Variants in SMOC2 observed in about 807,000 individuals in gnomAD.
The protein encoded by SMOC2 is SPARC-related modular calcium-binding protein 2.
A neutral mutation model predicts 61.4 loss-of-function variants in SMOC2; 39 were observed. That is an observed-to-expected ratio of 0.64 (90% CI 0.49 to 0.83). The LOEUF is 0.83. Ranked by LOEUF, SMOC2 falls within the 40% of genes least tolerant of loss-of-function variation. SMOC2 has a pLI of 0.00. For missense variants in SMOC2, 556 were observed against 592.9 expected (o/e 0.94, Z 0.65); for synonymous variants, 247 against 239.9 (o/e 1.03, Z -0.27).
At chr6:168,646,191 G>A (rs768898111) in intron 9 of SMOC2, among the ~76,000 whole-genome samples, 10 of 152,194 alleles carry the variant, frequency 6.6e-5, no homozygotes, top group Non-Finnish European at 4.4e-5. Flanking sequence ...TTACTTGCGT[G>A]TGAAATCTCT....
At chr6:168,460,733 T>A (rs1191947231) in intron 1 of SMOC2, among the ~76,000 whole-genome samples, 1 of 152,228 alleles carries the variant, frequency 6.6e-6, no homozygotes. Flanking sequence ...TCATGATCTC[T>A]GTATCAACCC....
chr6:168,648,512 G>C (rs117153992), intron 9 of SMOC2, among the ~76,000 whole-genome samples: 1 of 152,240 alleles, frequency 6.6e-6, no homozygotes, highest in Non-Finnish European at 1.5e-5. Context: ...AGCCGAGGCC[G>C]GGTGGGCTGG....
intron 1 of SMOC2, among the ~76,000 whole-genome samples, chr6:168,492,841 T>C (rs923123172): frequency 6.6e-6 from 1 of 152,224 alleles, no homozygotes; most frequent in African/African-American, 2.4e-5. Context: ...TTGCCATCTA[T>C]AGAGTACAGA....
intron 1 of SMOC2, among the ~76,000 whole-genome samples, chr6:168,445,588 C>T (rs562447983): frequency 1.3e-5 from 2 of 152,306 alleles, no homozygotes; most frequent in East Asian, 3.9e-4. Context: ...ATATAGTTCT[C>T]ACTCAGCCTT....
At chr6:168,459,823 G>C (rs1168251703) in intron 1 of SMOC2, among the ~76,000 whole-genome samples, 1 of 147,136 alleles carries the variant, frequency 6.8e-6, no homozygotes, top group African/African-American at 2.5e-5. Flanking sequence ...GTGAGCCCTG[G>C]GGTGGGTGAG....
In SMOC2 at chr6:168,553,044, A is replaced by C. The variant is rs968595957; in HGVS notation, c.637+3841A>C. ...TAGCATCATTACTCTTTTTAAAACA[A>C]GCTGAATGAAACAAACAAAATAACC... is the stretch of plus-strand genomic sequence containing the variant. On this transcript the variant is annotated intron_variant, in intron 7 of 12. Coordinates refer to ENST00000356284, the MANE Select transcript of SMOC2 (RefSeq NM_001166412.2). This position sits in a 1 kb window ranked among gnomAD's most constrained non-coding sequence, Gnocchi z 4.2. 1.9e-4 allele frequency among the ~76,000 whole-genome samples: 29 copies of C among 152,220 alleles called. No individual in the cohort carries two copies. Among genetic ancestry groups the C allele is most frequent in the Non-Finnish European group, 3.5e-4 (24 of 68,034 alleles).
Position 168,641,352 on chromosome 6 carries a change from C to T in SMOC2, c.908-9329C>T, listed in dbSNP as rs571734182. On this transcript the variant is annotated intron_variant, in intron 9 of 12. Coordinates refer to ENST00000356284, the MANE Select transcript of SMOC2 (RefSeq NM_001166412.2). ...CTCTACAGCACTGACGTCAACCTTA[C>T]CTGTATCACCATAAACCCTCCGTGT... Among the ~76,000 whole-genome samples the T allele has an allele frequency of 1.6e-4, 24 of 152,266 alleles. 1 individual carries two copies. The South Asian group carries it at 4.8e-3, about 30-fold the overall frequency.
intron 7 of SMOC2, among the ~76,000 whole-genome samples, chr6:168,573,988 G>A (rs1411307102): frequency 6.6e-6 from 1 of 152,252 alleles, no homozygotes; most frequent in Non-Finnish European, 1.5e-5. Context: ...CTCTGGAGGG[G>A]GAGGGATGGG....
In SMOC2 at chr6:168,452,549, A is replaced by G. The variant is rs760511224; in HGVS notation, c.84+11095A>G. 3.3e-5 allele frequency among the ~76,000 whole-genome samples: 5 copies of G among 152,224 alleles called. No individual in the cohort carries two copies. The highest frequency in any genetic ancestry group is 4.8e-5 in the African/African-American group (2 of 41,456). ...TGTTCTCCAGTAATAGGATTCTCAG[A>G]CATGTGATTTTCATGAGGGATTTTA... On this transcript the variant is annotated intron_variant, in intron 1 of 12. Transcript: ENST00000356284. This position sits in a 1 kb window ranked among gnomAD's most constrained non-coding sequence, Gnocchi z 5.0.
At chr6:168,454,035 C>A (rs1781524829) in intron 1 of SMOC2, among the ~76,000 whole-genome samples, 1 of 152,066 alleles carries the variant, frequency 6.6e-6, no homozygotes. Flanking sequence ...TGTGTGTCTT[C>A]TTTCTGTCCA....
intron 1 of SMOC2, among the ~76,000 whole-genome samples, chr6:168,498,709 A>G (rs1203434141): frequency 6.7e-6 from 1 of 148,998 alleles, no homozygotes; most frequent in African/African-American, 2.5e-5. Flanking sequence ...TCCCAGCCCT[A>G]CGAGTCAGAG....
chr6:168,527,049 C>T (rs1400949558), intron 3 of SMOC2, among the ~76,000 whole-genome samples: 3 of 152,178 alleles, frequency 2.0e-5, no homozygotes, highest in Non-Finnish European at 2.9e-5. Context: ...GCAGAAAGAG[C>T]AGAAAAAACA....
chr6:168,631,513 A>T (rs1786569027), intron 9 of SMOC2, among the ~76,000 whole-genome samples: 1 of 152,210 alleles, frequency 6.6e-6, no homozygotes, highest in South Asian at 2.1e-4. Context: ...TGGAGAATAG[A>T]TGATGTTCCT....
At chr6:168,533,684 G>A (rs1409650968) in intron 4 of SMOC2, among the ~76,000 whole-genome samples, 1 of 152,174 alleles carries the variant, frequency 6.6e-6, no homozygotes, top group Non-Finnish European at 1.5e-5. Context: ...CCAGCTTGCT[G>A]TTTGTCTCCA....
At chr6:168,596,768 T>C (rs1280249916) in intron 7 of SMOC2, among the ~76,000 whole-genome samples, 1 of 152,270 alleles carries the variant, frequency 6.6e-6, no homozygotes, top group Admixed American at 6.5e-5. Context: ...TTGTTACCAG[T>C]TTCCTCGTTA....
chr6:168,641,412 AG>A (rs1165839094), intron 9 of SMOC2, among the ~76,000 whole-genome samples: 1 of 152,192 alleles, frequency 6.6e-6, no homozygotes, highest in Non-Finnish European at 1.5e-5. Context: ...AAGCTCCTTG[AG>A]GGCAAAATTG....
At chr6:168,642,610 T>C (rs966801374) in intron 9 of SMOC2, among the ~76,000 whole-genome samples, 11 of 152,220 alleles carry the variant, frequency 7.2e-5, no homozygotes, top group African/African-American at 2.4e-4. Context: ...CGCTTGATGT[T>C]GTCAGTGTTC....
chr6:168,647,814 A>G (rs1415271458), intron 9 of SMOC2, among the ~76,000 whole-genome samples: 1 of 152,178 alleles, frequency 6.6e-6, no homozygotes, highest in African/African-American at 2.4e-5. Flanking sequence ...TTTGAAGTAC[A>G]GTCGTCCGTC....
At chr6:168,585,772 T>G (rs9456220) in intron 7 of SMOC2, among the ~76,000 whole-genome samples, 108 of 152,370 alleles carry the variant, frequency 7.1e-4, no homozygotes, top group Non-Finnish European at 1.2e-3. Flanking sequence ...GACAGTTTCT[T>G]TCAAATACTT....
Sources: allele counts gnomAD v4.1 joint callset (sites outside exome capture counted in the v4.1 genomes callset), GRCh38; gene constraint gnomAD v4.1.1; non-coding constraint Gnocchi (gnomAD v3.1); transcripts MANE v1.5; gene names NCBI Gene and HGNC (gene_info 2026-07-23, HGNC 2026-07-21).